The following FER1L6 variants were observed in gnomAD, a reference collection of about 807,000 sequenced individuals.
FER1L6 encodes fer-1 like family member 6, also known as fer-1-like protein 6.
Under a neutral mutation model 219.2 loss-of-function variants are expected in FER1L6, and 177 were observed. The ratio of observed to expected loss-of-function variants is 0.81; its 90% CI spans 0.71 to 0.91. The LOEUF (loss-of-function observed/expected upper bound fraction) is 0.91. FER1L6 is among the 40% of genes least tolerant of loss of function. The probability of loss-of-function intolerance (pLI) is 0.00; values close to 1 mark genes in which losing one functional copy is unlikely to be tolerated. For synonymous variants in FER1L6, 768 were observed against 824.3 expected, an observed-to-expected ratio of 0.93 and a Z score of 1.17; for missense variants, 2,153 against 2,259.9, an observed-to-expected ratio of 0.95 and a Z score of 0.96.
intron 13 of FER1L6, 73 bp downstream of exon 13, chr8:124,003,420 T>G: frequency 1.0e-6 from 1 of 963,934 alleles, no homozygotes; most frequent in South Asian, 1.9e-5. Flanking sequence ...AGGACTGTTT[T>G]CTTCAGTTCT....
chr8:123,932,100 T>C (rs1200188688), intron 1 of FER1L6, among the ~76,000 whole-genome samples: 3 of 152,062 alleles, frequency 2.0e-5, no homozygotes, highest in Non-Finnish European at 4.4e-5. Context: ...CCTACCGTAT[T>C]TATTTTATTT....
At chr8:124,009,581 T>C (rs1394684412) in intron 13 of FER1L6, among the ~76,000 whole-genome samples, 1 of 151,392 alleles carries the variant, frequency 6.6e-6, no homozygotes, top group Non-Finnish European at 1.5e-5. Context: ...TTAAGGATCA[T>C]GAAACAGAAG....
At chr8:124,118,778 AGAAG>A in intron 39 of FER1L6, 62 bp from the exon 40 acceptor site, 1 of 1,314,408 alleles carries the variant, frequency 7.6e-7, no homozygotes, top group East Asian at 2.3e-5. Context: ...TAACACTTCT[AGAAG>A]GTTGCCATTG....
At chr8:124,060,364 G>A in intron 23 of FER1L6, 74 bp downstream of exon 23, 1 of 1,497,248 alleles carries the variant, frequency 6.7e-7, no homozygotes, top group Non-Finnish European at 9.3e-7. Context: ...TGTAGGAGAG[G>A]TGATATGGAA....
At chr8:124,043,111 G>A (rs964869854) in intron 20 of FER1L6, among the ~76,000 whole-genome samples, 4 of 152,180 alleles carry the variant, frequency 2.6e-5, no homozygotes, top group African/African-American at 9.7e-5. Flanking sequence ...AGGCTGCCAT[G>A]TGGCAGGCGT....
In FER1L6 at chr8:124,034,159, A is replaced by AG. The variant is rs576725634; in HGVS notation, c.2287-1118_2287-1117insG. Among the ~76,000 whole-genome samples the AG allele has an allele frequency of 8.0e-3, 1,205 of 150,316 alleles. 57 individuals carry two copies. Among genetic ancestry groups the AG allele is most frequent in the African/African-American group, 0.024 (964 of 39,698 alleles). Reference sequence around the variant, plus strand: ...GAAAGGAAGTGATGTTAAAAAAAAAAAAGAAGAAGAAGAAGAAAATTACTG... The same window carrying AG: ...GAAAGGAAGTGATGTTAAAAAAAAAAGAAGAAGAAGAAGAAGAAAATTACTG... On this transcript the variant is annotated intron_variant, in intron 18 of 40. Coordinates refer to ENST00000522917, the MANE Select transcript of FER1L6 (RefSeq NM_001039112.2).
intron 1 of FER1L6, among the ~76,000 whole-genome samples, chr8:123,943,984 G>A (rs1814369593): frequency 6.6e-6 from 1 of 152,066 alleles, no homozygotes; most frequent in South Asian, 2.1e-4. Flanking sequence ...TATCTAGGAG[G>A]TAACATAGAG....
intron 32 of FER1L6, 61 bp from the exon 33 acceptor site, chr8:124,082,227 G>T: frequency 7.1e-7 from 1 of 1,399,182 alleles, no homozygotes; most frequent in Non-Finnish European, 9.9e-7. Context: ...AGTGAAGCTG[G>T]GAATGGTTCC....
intron 1 of FER1L6, among the ~76,000 whole-genome samples, chr8:123,919,133 G>A (rs915872799): frequency 2.0e-5 from 3 of 152,180 alleles, no homozygotes; most frequent in Non-Finnish European, 4.4e-5. Context: ...GGAAGGAAGG[G>A]AGGGGGCCCC....
At chr8:124,118,572 A>G (rs1823343869) in intron 39 of FER1L6, among the ~76,000 whole-genome samples, 1 of 152,222 alleles carries the variant, frequency 6.6e-6, no homozygotes, top group African/African-American at 2.4e-5. Context: ...CAAGAAGAGT[A>G]GTACATGTGA....
At chr8:123,860,085 T>G (rs1816719973) in intron 1 of FER1L6, among the ~76,000 whole-genome samples, 1 of 138,030 alleles carries the variant, frequency 7.2e-6, no homozygotes, top group Non-Finnish European at 1.5e-5. Flanking sequence ...ACCCACTAAC[T>G]CGTCATCTAG....
intron 1 of FER1L6, among the ~76,000 whole-genome samples, chr8:123,866,069 A>G (rs1024386684): frequency 1.6e-4 from 24 of 151,722 alleles, no homozygotes; most frequent in Non-Finnish European, 1.5e-4. Flanking sequence ...AGTCTTTGCT[A>G]TTGTGAATAA....
At chr8:123,995,618 C>A (rs564491668) in intron 12 of FER1L6, among the ~76,000 whole-genome samples, 62 of 151,846 alleles carry the variant, frequency 4.1e-4, no homozygotes, top group South Asian at 8.3e-4. Context: ...ACCAATTTTT[C>A]ATTTTGTTGA....
Position 123,966,246 on chromosome 8 carries a change from C to G in FER1L6, c.340C>G (p.Gln114Glu), listed in dbSNP as rs1027964354. ...CATTGAGATTGGGGATGAGAAGAAG[C>G]AAAGCACAGTGAAGGAAGGAACCAA... ...VTIEIGDEKK[Q>E]STVKEGTNSP... is the part of the protein sequence containing the mutation. Residue 114 changes from glutamine (Q) to glutamate (E), a missense_variant, in exon 5 of 41, where the codon CAA becomes GAA. Gln to Glu is a conservative substitution (Grantham distance 29, BLOSUM62 2). Coordinates refer to ENST00000522917, the MANE Select transcript of FER1L6 (RefSeq NM_001039112.2). 4 of 1,613,988 alleles carry G rather than the reference C, an allele frequency of 2.5e-6. No individual in the cohort carries two copies. The highest frequency in any genetic ancestry group is 3.4e-6 in the Non-Finnish European group (4 of 1,180,008).
intron 1 of FER1L6, among the ~76,000 whole-genome samples, chr8:123,898,848 T>TACACACACAC (rs147446907): frequency 1.7e-4 from 24 of 143,246 alleles, no homozygotes; most frequent in African/African-American, 6.2e-4. Flanking sequence ...CATACATATA[T>TACACACACAC]ACACACACAC....
At chr8:123,977,660 G>A (rs1380963279) in intron 10 of FER1L6, 51 bp downstream of exon 10, 10 of 1,565,460 alleles carry the variant, frequency 6.4e-6, no homozygotes, top group Non-Finnish European at 8.7e-6. Flanking sequence ...GCTTGCTTTA[G>A]AGCCCTCATC....
At chr8:123,862,787 C>G (rs1249122176) in intron 1 of FER1L6, among the ~76,000 whole-genome samples, 9 of 111,848 alleles carry the variant, frequency 8.0e-5, no homozygotes, top group African/African-American at 1.7e-4. Flanking sequence ...GTAGTATTCT[C>G]TGATGGTAGT....
chr8:124,032,757 G>A (rs1819028876), intron 18 of FER1L6, among the ~76,000 whole-genome samples: 1 of 151,954 alleles, frequency 6.6e-6, no homozygotes, highest in African/African-American at 2.4e-5. Context: ...GTGGGAGGGG[G>A]ATAAAAAGAA....
At chr8:123,965,901 G>A (rs1815513282) in intron 3 of FER1L6, 106 bp from the exon 4 acceptor site, 2 of 1,013,310 alleles carry the variant, frequency 2.0e-6, no homozygotes, top group East Asian at 5.2e-5. Context: ...GACAGAATAT[G>A]TAATAATATT....
Sources: allele counts gnomAD v4.1 joint callset (sites outside exome capture counted in the v4.1 genomes callset), GRCh38; gene constraint gnomAD v4.1.1; transcripts MANE v1.5; gene names NCBI Gene and HGNC (gene_info 2026-07-23, HGNC 2026-07-21).